Variants in COL22A1 observed in about 807,000 individuals in gnomAD.
COL22A1 encodes the protein collagen type XXII alpha 1 chain, also known as collagen alpha-1(XXII) chain.
A neutral mutation model predicts 248.9 loss-of-function variants in COL22A1; 221 were observed. The ratio of observed to expected loss-of-function variants is 0.89; its 90% CI spans 0.80 to 0.99. The LOEUF is 0.99. Among genes scored for constraint, COL22A1 ranks in the 50% least tolerant of loss-of-function variants. COL22A1 has a pLI of 0.00. For missense variants in COL22A1, 2,240 were observed against 2,179.0 expected (o/e 1.03, Z -0.56); for synonymous variants, 891 against 793.4 (o/e 1.12, Z -2.07).
rs755053710 is a variant in COL22A1 at position 138,690,884 on chromosome 8, G to C, written c.2755-10C>G. 12 of 1,605,010 alleles carry C rather than the reference G, an allele frequency of 7.5e-6. No homozygotes were observed. The South Asian group carries it at 1.1e-4, about 15-fold the overall frequency. ...CATGTCCGGGAGCACCCTGTTCAGA[G>C]ACAGAAGTTTAGAAAGGCCAAACGC... is the stretch of plus-strand genomic sequence containing the variant. On this transcript the variant is annotated splice_polypyrimidine_tract_variant and intron_variant, in intron 35 of 64. Coordinates refer to ENST00000303045, the MANE Select transcript of COL22A1 (RefSeq NM_152888.3).
chr8:138,709,498 G>A (rs1456890252), intron 30 of COL22A1, among the ~76,000 whole-genome samples: 1 of 152,086 alleles, frequency 6.6e-6, no homozygotes, highest in Non-Finnish European at 1.5e-5. Context: ...GGACATGGAT[G>A]AAGCTGGAAA....
chr8:138,892,171 T>C (rs1825115314), intron 1 of COL22A1, among the ~76,000 whole-genome samples: 1 of 152,226 alleles, frequency 6.6e-6, no homozygotes, highest in Non-Finnish European at 1.5e-5. Context: ...AAGTATTCCC[T>C]CTGCTTCTAT....
intron 7 of COL22A1, among the ~76,000 whole-genome samples, chr8:138,818,449 C>A (rs1160925157): frequency 6.6e-6 from 1 of 152,202 alleles, no homozygotes; most frequent in Non-Finnish European, 1.5e-5. Context: ...TAACAGTGAT[C>A]CTTATTGTGT....
chr8:138,827,048 C>A, intron 5 of COL22A1: 1 of 443,120 alleles, frequency 2.3e-6, no homozygotes. Flanking sequence ...CTCTCCACCA[C>A]CACCATGACT....
At position 138,609,355 on chromosome 8, in the gene COL22A1, C is replaced by T. The variant is rs185121252; in HGVS notation, c.3979-1366G>A. Among the ~76,000 whole-genome samples, 5 of 152,292 alleles carry T rather than the reference C, an allele frequency of 3.3e-5. No homozygotes were observed. In the East Asian group the frequency reaches 7.7e-4, roughly 24 times the overall value. On this transcript the variant is annotated intron_variant, in intron 56 of 64. Transcript: ENST00000303045. ...CTTAAGGACATGCCTTATGGGTCAG[C>T]GATCATAAATACAGCTTCCACCTTG...
intron 39 of COL22A1, among the ~76,000 whole-genome samples, chr8:138,683,652 A>G (rs1826123704): frequency 6.6e-6 from 1 of 152,148 alleles, no homozygotes; most frequent in Non-Finnish European, 1.5e-5. Context: ...AGAATTTGGT[A>G]GAAGATTCTG....
chr8:138,697,262 A>T (rs1827581178), intron 32 of COL22A1, among the ~76,000 whole-genome samples: 1 of 152,120 alleles, frequency 6.6e-6, no homozygotes, highest in African/African-American at 2.4e-5. Flanking sequence ...GCCAAGTTAA[A>T]CACCATCTCT....
intron 50 of COL22A1, among the ~76,000 whole-genome samples, chr8:138,629,015 C>A: frequency 6.9e-4 from 1 of 1,450 alleles, no homozygotes; most frequent in African/African-American, 4.1e-3. Context: ...CCTGCCTTGG[C>A]TTCCCAGGAT....
intron 46 of COL22A1, among the ~76,000 whole-genome samples, chr8:138,647,856 G>T (rs2130525901): frequency 1.3e-5 from 2 of 152,240 alleles, no homozygotes; most frequent in South Asian, 4.1e-4. Flanking sequence ...GGAAAAGACT[G>T]ATCTAAACAT....
chr8:138,684,437 G>A lies in COL22A1; in HGVS notation c.3000C>T (p.Pro1000=). 6.2e-7 allele frequency: 1 copy of A among 1,611,088 alleles called. No homozygotes were observed. ...GLRGSPGLPG[P]LGTKAACGKV... is the part of the protein sequence containing the mutation. ...GACAAGCACTCACCTTGGTTCCTAG[G>A]GGTCCAGGGAGTCCAGGTGATCCAC... is the stretch of plus-strand genomic sequence containing the variant. The change falls in exon 39 of 65, where the codon CCC becomes CCT. Residue 1000 remains proline, a synonymous_variant. Transcript: ENST00000303045.
intron 5 of COL22A1, among the ~76,000 whole-genome samples, chr8:138,829,701 A>G (rs1239217475): frequency 6.6e-6 from 1 of 151,942 alleles, no homozygotes. Flanking sequence ...TGGCCTCCCA[A>G]AGTGCTAGGA....
At chr8:138,638,601 T>C (rs764460075) in intron 47 of COL22A1, among the ~76,000 whole-genome samples, 86 of 152,180 alleles carry the variant, frequency 5.7e-4, no homozygotes, top group Non-Finnish European at 9.6e-4. Context: ...AGCTCATATC[T>C]GTGAAGTGCT....
rs891198117 is a variant in COL22A1, at chr8:138,792,223, T to C, written c.1596+4596A>G. Reference sequence around the variant, plus strand: ...TGGGTCTCTTCAGGACCCAACACTGTCGCACCTCTAGGCCCTTGTCTAGGC... The same window carrying C: ...TGGGTCTCTTCAGGACCCAACACTGCCGCACCTCTAGGCCCTTGTCTAGGC... On this transcript the variant is annotated intron_variant, in intron 12 of 64. Coordinates refer to ENST00000303045, the MANE Select transcript of COL22A1 (RefSeq NM_152888.3). Among the ~76,000 whole-genome samples the C allele has an allele frequency of 9.1e-4, 139 of 152,328 alleles. 1 individual carries two copies. The highest frequency in any genetic ancestry group is 3.3e-3 in the African/African-American group (137 of 41,572).
At chr8:138,772,856 C>T (rs1301605948) in intron 16 of COL22A1, among the ~76,000 whole-genome samples, 2 of 151,948 alleles carry the variant, frequency 1.3e-5, no homozygotes, top group Non-Finnish European at 2.9e-5. Flanking sequence ...AGTGAGACTC[C>T]GTCTCAGAAA....
At chr8:138,613,339 G>A (rs1348971260) in intron 56 of COL22A1, among the ~76,000 whole-genome samples, 1 of 152,066 alleles carries the variant, frequency 6.6e-6, no homozygotes, top group Non-Finnish European at 1.5e-5. Flanking sequence ...GGCCAGGGTG[G>A]TGCCCCACAA....
At chr8:138,781,042 C>G in intron 12 of COL22A1, 62 bp from the exon 13 acceptor site, 1 of 1,214,016 alleles carries the variant, frequency 8.2e-7, no homozygotes, top group South Asian at 1.4e-5. Context: ...TCTCAGAATG[C>G]TAGTGCAGTG....
rs1473820568 is a variant in COL22A1 at position 138,737,525 on chromosome 8, T to C, written c.2138A>G (p.Gln713Arg). The change falls in exon 23 of 65, where the codon CAG becomes CGG. Residue 713 changes from glutamine to arginine, a missense_variant and splice_region_variant. Physicochemically the swap from Gln to Arg is conservative, Grantham distance 43. Transcript: ENST00000303045. ...GAAGAGAATGTAAAAGGTAGTTACC[T>C]GCAGCCCCAGCAATCCAGGGATTCC... ...PPGIPGLLGLQGPPGPPGVPG... is the reference protein window; with the variant it reads ...PPGIPGLLGLRGPPGPPGVPG... The C allele has an allele frequency of 6.2e-7, 1 of 1,605,702 alleles. No homozygotes were observed.
intron 3 of COL22A1, among the ~76,000 whole-genome samples, chr8:138,847,069 C>T (rs1052260718): frequency 3.2e-4 from 48 of 152,180 alleles, no homozygotes; most frequent in African/African-American, 1.2e-3. Context: ...GGGAGCCCTT[C>T]GTCAGGTCCC....
At chr8:138,729,088 C>CA (rs1382163128) in intron 23 of COL22A1, among the ~76,000 whole-genome samples, 3 of 152,178 alleles carry the variant, frequency 2.0e-5, no homozygotes, top group Non-Finnish European at 2.9e-5. Context: ...TACACCAGCT[C>CA]ATTCCAGCCC....
Sources: allele counts gnomAD v4.1 joint callset (sites outside exome capture counted in the v4.1 genomes callset), GRCh38; gene constraint gnomAD v4.1.1; transcripts MANE v1.5; gene names NCBI Gene and HGNC (gene_info 2026-07-23, HGNC 2026-07-21).